The following PTPRD variants were observed in gnomAD, a reference collection of about 807,000 sequenced individuals.
PTPRD encodes receptor-type tyrosine-protein phosphatase delta.
A neutral mutation model predicts 214.5 loss-of-function variants in PTPRD; 34 were observed. The observed-to-expected ratio is 0.16, with a 90% confidence interval of 0.12 to 0.21. The LOEUF (loss-of-function observed/expected upper bound fraction) is 0.21. PTPRD is among the 10% of genes least tolerant of loss of function. The pLI is 1.00. For synonymous variants in PTPRD, 1,128 were observed against 845.7 expected, an observed-to-expected ratio of 1.33 and a Z score of -5.79; for missense variants, 2,545 against 2,398.7, an observed-to-expected ratio of 1.06 and a Z score of -1.27.
At chr9:9,491,011 T>A (rs2095870840) in intron 8 of PTPRD, among the ~76,000 whole-genome samples, 1 of 151,790 alleles carries the variant, frequency 6.6e-6, no homozygotes, top group Non-Finnish European at 1.5e-5. Context: ...AATGGCAGAA[T>A]GAATAAAAAT....
At chr9:10,130,649 C>T (rs1010705651) in intron 3 of PTPRD, among the ~76,000 whole-genome samples, 3 of 151,416 alleles carry the variant, frequency 2.0e-5, no homozygotes, top group East Asian at 1.9e-4. Context: ...AAGTATTTAG[C>T]GATTATAAGT....
intron 3 of PTPRD, among the ~76,000 whole-genome samples, chr9:10,212,158 C>A (rs1189794202): frequency 6.6e-6 from 1 of 151,988 alleles, no homozygotes; most frequent in African/African-American, 2.4e-5. Flanking sequence ...TTTCTCACAG[C>A]CCTGACACTC....
chr9:9,794,540 C>G lies in PTPRD; in HGVS notation c.-367-27689G>C, dbSNP rs973732847. Reference sequence around the variant, plus strand: ...AAAATAGAGAGGTAAGTGAGGGATACTGAACGATAAGCTAATCAAACAAGG... The same window carrying G: ...AAAATAGAGAGGTAAGTGAGGGATAGTGAACGATAAGCTAATCAAACAAGG... On this transcript the variant is annotated intron_variant, in intron 5 of 45. Transcript: ENST00000381196. Among the ~76,000 whole-genome samples, 3 of 152,050 alleles carry G rather than the reference C, an allele frequency of 2.0e-5. No homozygotes were observed. The South Asian group carries it at 6.2e-4, about 32-fold the overall frequency.
chr9:8,328,798 G>A (rs1035037845), intron 44 of PTPRD, among the ~76,000 whole-genome samples: 3 of 151,820 alleles, frequency 2.0e-5, no homozygotes, highest in Admixed American at 6.6e-5. Context: ...TCGGACATCC[G>A]TTCTTCCACT....
At chr9:8,845,086 T>C (rs973945479) in intron 11 of PTPRD, among the ~76,000 whole-genome samples, 3 of 151,884 alleles carry the variant, frequency 2.0e-5, no homozygotes, top group Non-Finnish European at 4.4e-5. Flanking sequence ...TAGTTTAATG[T>C]CTGGTGCTTT....
At chr9:8,800,099 C>G (rs2096541261) in intron 11 of PTPRD, among the ~76,000 whole-genome samples, 1 of 152,020 alleles carries the variant, frequency 6.6e-6, no homozygotes, top group Non-Finnish European at 1.5e-5. Context: ...GTGTGATAAA[C>G]AGCAATCATC....
chr9:8,492,508 C>G (rs145228167), intron 27 of PTPRD, among the ~76,000 whole-genome samples: 312 of 151,356 alleles, frequency 2.1e-3, no homozygotes, highest in Non-Finnish European at 3.4e-3. Flanking sequence ...TGTTAATTAT[C>G]TAGTCCTATT....
chr9:10,399,946 T>C (rs777949281), intron 2 of PTPRD, among the ~76,000 whole-genome samples: 2 of 151,844 alleles, frequency 1.3e-5, no homozygotes, highest in African/African-American at 2.4e-5. Flanking sequence ...TTTATGCTGT[T>C]GGCAATGGGA....
chr9:8,966,550 C>T (rs989536084), intron 11 of PTPRD, among the ~76,000 whole-genome samples: 2 of 151,838 alleles, frequency 1.3e-5, no homozygotes, highest in Non-Finnish European at 1.5e-5. Context: ...GACAACTGGC[C>T]AGCCATATCC....
intron 3 of PTPRD, among the ~76,000 whole-genome samples, chr9:10,335,042 C>A (rs1317229091): frequency 6.6e-6 from 1 of 151,482 alleles, no homozygotes; most frequent in Non-Finnish European, 1.5e-5. Context: ...TAATGCAATC[C>A]CAATCAAAAC....
chr9:9,962,305 AAAC>A (rs143765891), intron 4 of PTPRD, among the ~76,000 whole-genome samples: 15,694 of 152,066 alleles, frequency 0.1, 1,326 homozygotes, highest in East Asian at 0.36. Flanking sequence ...TGATAACAGA[AAAC>A]AATAATTAAG....
At chr9:8,852,823 T>G (rs1159811443) in intron 11 of PTPRD, among the ~76,000 whole-genome samples, 1 of 152,146 alleles carries the variant, frequency 6.6e-6, no homozygotes, top group Non-Finnish European at 1.5e-5. Flanking sequence ...GCCAACTGAG[T>G]AGTATTAATA....
At chr9:10,357,604 T>A (rs1215204558) in intron 2 of PTPRD, among the ~76,000 whole-genome samples, 1 of 152,232 alleles carries the variant, frequency 6.6e-6, no homozygotes, top group Non-Finnish European at 1.5e-5. Flanking sequence ...AATATTAGCA[T>A]TATTATATCC....
intron 6 of PTPRD, among the ~76,000 whole-genome samples, chr9:9,735,724 C>G (rs970625422): frequency 6.6e-6 from 1 of 152,074 alleles, no homozygotes; most frequent in African/African-American, 2.4e-5. Flanking sequence ...TTACTGAATT[C>G]TCTAGCCTGG....
chr9:10,207,008 G>A (rs2099486159), intron 3 of PTPRD, among the ~76,000 whole-genome samples: 1 of 151,972 alleles, frequency 6.6e-6, no homozygotes, highest in Non-Finnish European at 1.5e-5. Context: ...GTATACAGAG[G>A]GAAATAATGC....
intron 8 of PTPRD, among the ~76,000 whole-genome samples, chr9:9,473,738 T>G (rs1156798218): frequency 6.6e-6 from 1 of 152,062 alleles, no homozygotes. Context: ...AGATTGAGCA[T>G]TTTTTCAAAT....
chr9:8,930,193 G>A (rs1243439872), intron 11 of PTPRD, among the ~76,000 whole-genome samples: 1 of 148,518 alleles, frequency 6.7e-6, no homozygotes, highest in African/African-American at 2.5e-5. Context: ...TCCCACCTAT[G>A]AGTGAGAACA....
chr9:8,823,491 T>C (rs558298194), intron 11 of PTPRD, among the ~76,000 whole-genome samples: 20 of 152,168 alleles, frequency 1.3e-4, no homozygotes, highest in African/African-American at 4.6e-4. Context: ...TCTCAAGAAA[T>C]CACACCTTAG....
rs139798835 is a variant in PTPRD, at chr9:10,028,505, C to T, written c.-472+5213G>A. On this transcript the variant is annotated intron_variant, in intron 4 of 45. Transcript: ENST00000381196. ...AACTCCCTAGAGACTTGTTGCATGG[C>T]TTTGACCAAAATGCTGATAATGATA... 7.6e-4 allele frequency among the ~76,000 whole-genome samples: 116 copies of T among 152,268 alleles called. 1 individual carries two copies. The East Asian group carries it at 0.02, about 26-fold the overall frequency.
Sources: allele counts gnomAD v4.1 joint callset (sites outside exome capture counted in the v4.1 genomes callset), GRCh38; gene constraint gnomAD v4.1.1; transcripts MANE v1.5; gene names NCBI Gene and HGNC (gene_info 2026-07-23, HGNC 2026-07-21).